Variants in PCDH15 observed in about 807,000 individuals in gnomAD.
The protein encoded by PCDH15 is protocadherin related 15, also known as protocadherin-15.
A neutral mutation model predicts 178.5 loss-of-function variants in PCDH15; 129 were observed. The observed-to-expected ratio is 0.72, with a 90% CI of 0.63 to 0.84. The LOEUF is 0.84. PCDH15 is among the 40% of genes least tolerant of loss of function. PCDH15 has a pLI of 0.00. For synonymous variants in PCDH15, 800 were observed against 732.0 expected, an observed-to-expected ratio of 1.09 and a Z score of -1.50; for missense variants, 2,230 against 2,099.9, an observed-to-expected ratio of 1.06 and a Z score of -1.21.
chr10:54,944,728 A>C (rs1449247866), intron 2 of PCDH15, among the ~76,000 whole-genome samples: 3 of 151,808 alleles, frequency 2.0e-5, no homozygotes, highest in Non-Finnish European at 4.4e-5. Flanking sequence ...GTAAGTATGA[A>C]ATTTTATTGA....
intron 20 of PCDH15, among the ~76,000 whole-genome samples, chr10:54,003,525 C>T (rs1166887423): frequency 6.6e-6 from 1 of 151,636 alleles, no homozygotes; most frequent in Non-Finnish European, 1.5e-5. Context: ...CAAATAAATT[C>T]CTAGACACAC....
At chr10:54,174,684 CTTTTTTCTTTTTCTTTTCTT>C (rs1301306694) in intron 13 of PCDH15, among the ~76,000 whole-genome samples, 1 of 113,374 alleles carries the variant, frequency 8.8e-6, no homozygotes, top group African/African-American at 3.7e-5. Flanking sequence ...TTCCTTCTTT[CTTTTTTCTTTTTCTTTTCTT>C]TTTTTTTTTT....
intron 3 of PCDH15, among the ~76,000 whole-genome samples, chr10:54,449,345 A>G (rs192907155): frequency 6.6e-6 from 1 of 151,890 alleles, no homozygotes; most frequent in East Asian, 1.9e-4. Flanking sequence ...AGAGTTGCCT[A>G]GTATTCACCA....
chr10:54,562,425 A>C (rs2133385053), intron 2 of PCDH15, among the ~76,000 whole-genome samples: 1 of 152,314 alleles, frequency 6.6e-6, no homozygotes, highest in Non-Finnish European at 1.5e-5. Context: ...AAATTAGAAG[A>C]GAAAACAATA....
At chr10:54,270,352 A>C (rs1378745274) in intron 8 of PCDH15, among the ~76,000 whole-genome samples, 1 of 152,146 alleles carries the variant, frequency 6.6e-6, no homozygotes, top group Non-Finnish European at 1.5e-5. Context: ...AACCTAGTAG[A>C]TATTCAGTCA....
At chr10:55,602,830 C>T (rs1273231634) in intron 2 of PCDH15, among the ~76,000 whole-genome samples, 3 of 152,138 alleles carry the variant, frequency 2.0e-5, no homozygotes, top group Non-Finnish European at 4.4e-5. Flanking sequence ...AAGCAGAGTG[C>T]CTCTCCACCT....
chr10:55,436,834 T>C (rs1432775185), intron 2 of PCDH15, among the ~76,000 whole-genome samples: 1 of 152,186 alleles, frequency 6.6e-6, no homozygotes, highest in African/African-American at 2.4e-5. Context: ...TGGGAGCATT[T>C]ACTGTGCTTG....
At chr10:55,393,140 A>C (rs1388109407) in intron 2 of PCDH15, among the ~76,000 whole-genome samples, 4 of 152,210 alleles carry the variant, frequency 2.6e-5, no homozygotes, top group Non-Finnish European at 5.9e-5. Context: ...TGGGGCTTTA[A>C]ATATAACACC....
intron 21 of PCDH15, among the ~76,000 whole-genome samples, chr10:53,972,642 C>G (rs1273347707): frequency 6.6e-6 from 1 of 152,202 alleles, no homozygotes; most frequent in Non-Finnish European, 1.5e-5. Context: ...TATGAACAGA[C>G]ACTTTTCAAA....
At chr10:54,247,867 C>CAAAAAA (rs570243081) in intron 8 of PCDH15, among the ~76,000 whole-genome samples, 89 of 122,094 alleles carry the variant, frequency 7.3e-4, no homozygotes, top group African/African-American at 1.2e-3. Flanking sequence ...GACTCTTTCT[C>CAAAAAA]AAAAAAAAAA....
At chr10:53,915,361 G>A (rs1338165097) in intron 25 of PCDH15, among the ~76,000 whole-genome samples, 3 of 152,142 alleles carry the variant, frequency 2.0e-5, no homozygotes, top group Non-Finnish European at 2.9e-5. Flanking sequence ...CATTTTCAGT[G>A]GCTAGGCAGA....
intron 2 of PCDH15, among the ~76,000 whole-genome samples, chr10:54,965,206 T>C (rs1219529): frequency 0.83 from 125,816 of 152,126 alleles, 52,631 homozygotes; most frequent in East Asian, 0.97. Flanking sequence ...TAATTACCAA[T>C]ATGTATCTCA....
At position 54,339,604 on chromosome 10, in the gene PCDH15, T is replaced by C. The variant is rs576760090; in HGVS notation, c.594+6761A>G. Among the ~76,000 whole-genome samples the C allele has an allele frequency of 5.3e-5, 8 of 152,322 alleles. No individual in the cohort carries two copies. The South Asian group carries it at 1.7e-3, about 32-fold the overall frequency. On this transcript the variant is annotated intron_variant, in intron 6 of 37. Coordinates refer to ENST00000644397, the MANE Select transcript of PCDH15 (RefSeq NM_001384140.1). ...GAATGCTTCTTCTTCTGAACAATAG[T>C]GCAGACTGACAAAGATTCTTTGCCT...
chr10:54,479,323 T>C (rs957473858), intron 3 of PCDH15, among the ~76,000 whole-genome samples: 3 of 152,030 alleles, frequency 2.0e-5, no homozygotes, highest in African/African-American at 7.2e-5. Flanking sequence ...GCTGCATGTC[T>C]GGTTTGGAGA....
chr10:54,665,746 C>G (rs2094561141), intron 1 of PCDH15, among the ~76,000 whole-genome samples: 1 of 151,954 alleles, frequency 6.6e-6, no homozygotes, highest in Non-Finnish European at 1.5e-5. Flanking sequence ...AAAGGAGCTG[C>G]CTTCTTTTTA....
Position 54,413,237 on chromosome 10 carries a change from T to C in PCDH15, c.158-34295A>G, listed in dbSNP as rs367638610. ...ACAAGTAACGAAGGGCCTTCCAATTTAATGATAATAATACATGGTTGGCTA... is the reference window on the plus strand; with the variant it reads ...ACAAGTAACGAAGGGCCTTCCAATTCAATGATAATAATACATGGTTGGCTA... On this transcript the variant is annotated intron_variant, in intron 3 of 37. Transcript: ENST00000644397. Among the ~76,000 whole-genome samples the C allele has an allele frequency of 1.2e-4, 19 of 152,186 alleles. 1 individual carries two copies. Among genetic ancestry groups the C allele is most frequent in the East Asian group, 9.6e-4 (5 of 5,192 alleles).
Position 55,449,822 on chromosome 10 carries a change from AT to A in PCDH15, c.-156+177802del, listed in dbSNP as rs573491502. ...GTCATAGATTCTGTTTTTTTCACTAATTTTTTTTCTGAGGACAGTAAGTGTT... is the reference window on the plus strand; with the variant it reads ...GTCATAGATTCTGTTTTTTTCACTAATTTTTTTCTGAGGACAGTAAGTGTT... On this transcript the variant is annotated intron_variant, in intron 2 of 5. Coordinates refer to the PCDH15 transcript ENST00000613346. 5.9e-5 allele frequency among the ~76,000 whole-genome samples: 9 copies of A among 151,888 alleles called. No individual in the cohort carries two copies. In the East Asian group the frequency reaches 1.6e-3, roughly 26 times the overall value.
intron 8 of PCDH15, among the ~76,000 whole-genome samples, chr10:54,310,655 A>G (rs2060845172): frequency 6.6e-6 from 1 of 152,094 alleles, no homozygotes; most frequent in Non-Finnish European, 1.5e-5. Context: ...ATTTCAAGTT[A>G]GAAGACTTAT....
rs1953839512 is a variant in PCDH15, at chr10:54,861,377, A to G, written c.-29+36073T>C. 3.3e-5 allele frequency among the ~76,000 whole-genome samples: 5 copies of G among 152,196 alleles called. 1 individual carries two copies. The highest frequency in any genetic ancestry group is 3.3e-4 in the Admixed American group (5 of 15,260). On this transcript the variant is annotated intron_variant, in intron 3 of 5. Coordinates refer to the PCDH15 transcript ENST00000458638. The stretch of plus-strand genomic sequence containing the variant: ...AAACTAGAATACCTAGAGGAAATAA[A>G]TAAATTCCTGGAAAGATACAACCTC...
Sources: allele counts gnomAD v4.1 joint callset (sites outside exome capture counted in the v4.1 genomes callset), GRCh38; gene constraint gnomAD v4.1.1; transcripts MANE v1.5; gene names NCBI Gene and HGNC (gene_info 2026-07-23, HGNC 2026-07-21).